Variants in ROBO1 observed in about 807,000 individuals in gnomAD.
The protein encoded by ROBO1 is roundabout guidance receptor 1.
In ROBO1, 149 loss-of-function variants were observed where a neutral mutation model predicts 195.9. The ratio of observed to expected loss-of-function variants is 0.76; its 90% CI spans 0.67 to 0.87. The LOEUF (loss-of-function observed/expected upper bound fraction) is 0.87. Among genes scored for constraint, ROBO1 ranks in the 40% least tolerant of loss-of-function variants. The probability of loss-of-function intolerance (pLI) is 0.00; values close to 1 mark genes in which losing one functional copy is unlikely to be tolerated. For synonymous variants in ROBO1, 816 were observed against 733.2 expected, an observed-to-expected ratio of 1.11 and a Z score of -1.82; for missense variants, 1,933 against 2,068.3, an observed-to-expected ratio of 0.93 and a Z score of 1.27.
intron 4 of ROBO1, 141 bp from the exon 5 acceptor site, chr3:78,747,041 T>A: frequency 2.1e-6 from 1 of 467,580 alleles, no homozygotes; most frequent in Non-Finnish European, 3.5e-6. Context: ...AATCTATATC[T>A]ACTTATAGAC....
At chr3:79,432,139 T>C (rs1489968535) in intron 2 of ROBO1, among the ~76,000 whole-genome samples, 1 of 152,106 alleles carries the variant, frequency 6.6e-6, no homozygotes, top group Non-Finnish European at 1.5e-5. Context: ...GTTTTTATTG[T>C]AAAGAAAGAT....
intron 1 of ROBO1, among the ~76,000 whole-genome samples, chr3:79,707,583 A>G (rs1947812963): frequency 6.6e-6 from 1 of 152,146 alleles, no homozygotes; most frequent in South Asian, 2.1e-4. Flanking sequence ...ATCTCGGCTC[A>G]CTTCAATCTC....
chr3:79,282,428 T>C (rs1038461528), intron 2 of ROBO1, among the ~76,000 whole-genome samples: 1 of 152,300 alleles, frequency 6.6e-6, no homozygotes, highest in East Asian at 1.9e-4. Context: ...GGGGCTTTCA[T>C]GATGGGAAAC....
chr3:79,300,839 C>T (rs2032904907), intron 2 of ROBO1, among the ~76,000 whole-genome samples: 1 of 152,120 alleles, frequency 6.6e-6, no homozygotes, highest in South Asian at 2.1e-4. Context: ...TCTGTAGCTA[C>T]TCAGGTGGGG....
chr3:79,630,950 A>G (rs970812609), intron 1 of ROBO1, among the ~76,000 whole-genome samples: 8 of 151,986 alleles, frequency 5.3e-5, no homozygotes, highest in South Asian at 2.1e-4. Context: ...GGAAAACTAT[A>G]AAACACTGAG....
intron 2 of ROBO1, among the ~76,000 whole-genome samples, chr3:79,328,261 G>A (rs563803359): frequency 4.6e-5 from 7 of 152,146 alleles, no homozygotes; most frequent in South Asian, 2.1e-4. Flanking sequence ...CTGTATTAAC[G>A]CACATAAACT....
chr3:78,910,402 G>A (rs2038174343), intron 4 of ROBO1, among the ~76,000 whole-genome samples: 1 of 151,742 alleles, frequency 6.6e-6, no homozygotes, highest in Non-Finnish European at 1.5e-5. Context: ...GCTCACCCGA[G>A]GACTGGCAAA....
intron 2 of ROBO1, among the ~76,000 whole-genome samples, chr3:79,499,882 C>T (rs558833101): frequency 6.6e-6 from 1 of 152,172 alleles, no homozygotes; most frequent in Non-Finnish European, 1.5e-5. Context: ...TCTTGGCTCT[C>T]TGCAACCTCC....
chr3:79,209,134 A>G (rs1453043389), intron 2 of ROBO1, among the ~76,000 whole-genome samples: 4 of 152,126 alleles, frequency 2.6e-5, no homozygotes, highest in Non-Finnish European at 5.9e-5. Context: ...ACTGTACCCA[A>G]TATGTAGTCT....
chr3:78,655,954 C>G (rs1706979151), intron 18 of ROBO1, among the ~76,000 whole-genome samples: 1 of 152,134 alleles, frequency 6.6e-6, no homozygotes, highest in African/African-American at 2.4e-5. Context: ...TTACATGTAG[C>G]TTCTTAATAT....
chr3:78,650,032 T>C (rs1468485327), intron 19 of ROBO1, among the ~76,000 whole-genome samples: 2 of 152,138 alleles, frequency 1.3e-5, no homozygotes, highest in Admixed American at 1.3e-4. Flanking sequence ...ATGGAGGTCT[T>C]TTGATGAAGA....
chr3:79,673,906 C>T (rs1338486312), intron 1 of ROBO1, among the ~76,000 whole-genome samples: 1 of 151,910 alleles, frequency 6.6e-6, no homozygotes, highest in Non-Finnish European at 1.5e-5. Flanking sequence ...AAGACACATA[C>T]AAAACTCTCC....
At chr3:78,756,826 C>A (rs2082945063) in intron 4 of ROBO1, among the ~76,000 whole-genome samples, 1 of 152,088 alleles carries the variant, frequency 6.6e-6, no homozygotes, top group Non-Finnish European at 1.5e-5. Flanking sequence ...TCAAAAGTCA[C>A]CAGTAAAAAA....
intron 1 of ROBO1, among the ~76,000 whole-genome samples, chr3:79,756,752 C>A (rs1704427991): frequency 6.6e-6 from 1 of 152,026 alleles, no homozygotes; most frequent in South Asian, 2.1e-4. Flanking sequence ...CAATCCATCT[C>A]CTTAATGTTT....
intron 2 of ROBO1, among the ~76,000 whole-genome samples, chr3:79,464,638 A>G (rs1250353044): frequency 6.6e-6 from 1 of 151,634 alleles, no homozygotes; most frequent in African/African-American, 2.4e-5. Flanking sequence ...TTGTTTGGAT[A>G]CAAGTTCTAT....
chr3:79,355,556 T>C (rs576091961), intron 2 of ROBO1, among the ~76,000 whole-genome samples: 4 of 152,274 alleles, frequency 2.6e-5, no homozygotes, highest in Admixed American at 6.5e-5. Context: ...TCTGTCACTA[T>C]TCCTCCCTCC....
At chr3:79,372,506 G>A (rs1049968516) in intron 2 of ROBO1, among the ~76,000 whole-genome samples, 7 of 152,022 alleles carry the variant, frequency 4.6e-5, no homozygotes, top group Non-Finnish European at 4.4e-5. Flanking sequence ...ACTGCGCCTG[G>A]CCTCTAGCAT....
At chr3:79,418,454 G>A (rs2038096377) in intron 2 of ROBO1, among the ~76,000 whole-genome samples, 1 of 151,938 alleles carries the variant, frequency 6.6e-6, no homozygotes, top group Non-Finnish European at 1.5e-5. Flanking sequence ...CTAATGCCAT[G>A]ATCAATGAAA....
At chr3:79,746,356 A>C (rs1000007181) in intron 1 of ROBO1, among the ~76,000 whole-genome samples, 1 of 152,078 alleles carries the variant, frequency 6.6e-6, no homozygotes, top group Non-Finnish European at 1.5e-5. Flanking sequence ...GAGAGATATG[A>C]ATAGCTGACT....
Sources: allele counts gnomAD v4.1 joint callset (sites outside exome capture counted in the v4.1 genomes callset), GRCh38; gene constraint gnomAD v4.1.1; transcripts MANE v1.5; gene names NCBI Gene and HGNC (gene_info 2026-07-23, HGNC 2026-07-21).